MYL6: variants seen among roughly 807,000 people sequenced by gnomAD.
MYL6 encodes the protein myosin light polypeptide 6.
In MYL6, 20 loss-of-function variants were observed where a neutral mutation model predicts 20.3. The observed-to-expected ratio is 0.98, with a 90% CI of 0.69 to 1.43. The LOEUF is 1.43. Among genes scored for constraint, MYL6 ranks in the 40% most tolerant of loss-of-function variants. The pLI, the probability that MYL6 is intolerant of heterozygous loss-of-function variation, is 0.00. For missense variants in MYL6, 164 were observed against 191.0 expected (o/e 0.86, Z 0.83); for synonymous variants, 77 against 72.4 (o/e 1.06, Z -0.32).
At chr12:56,159,950 G>A (rs1239262101) in intron 3 of MYL6, 25 bp from the exon 4 acceptor site, 3 of 1,600,094 alleles carry the variant, frequency 1.9e-6, no homozygotes, top group East Asian at 4.5e-5. Context: ...TCTCTGGCCT[G>A]ACACTTCCAC....
intron 2 of MYL6, 135 bp from the exon 3 acceptor site, chr12:56,159,452 A>C: frequency 8.3e-7 from 1 of 1,202,794 alleles, no homozygotes; most frequent in Non-Finnish European, 1.2e-6. Context: ...AGCCCTCTTA[A>C]GTAGACTTTG....
At chr12:56,159,331 G>A in intron 2 of MYL6, 1 of 461,696 alleles carries the variant, frequency 2.2e-6, no homozygotes. Context: ...CAGCAGTGGA[G>A]ATTGGCAGGC....
At chr12:56,160,541 T>A in intron 5 of MYL6, 85 bp from the exon 6 acceptor site, 1 of 1,480,646 alleles carries the variant, frequency 6.8e-7, no homozygotes, top group Non-Finnish European at 9.4e-7. Flanking sequence ...AGAAGTGAAA[T>A]AATGGAATGT....
chr12:56,160,658 G>A lies in MYL6; in HGVS notation c.*4G>A. 2 of 1,614,096 alleles carry A rather than the reference G, an allele frequency of 1.2e-6. No homozygotes were observed. Among genetic ancestry groups the A allele is most frequent in the Non-Finnish European group, 1.7e-6 (2 of 1,179,996 alleles). On this transcript the variant is annotated 3_prime_UTR_variant, in exon 6 of 7. Transcript: ENST00000550697. Reference sequence around the variant, plus strand: ...GAGGCATATCCTGTCGGGGTGACGGGCCCATGGGGCGGGTACGGCTCCTCC... The same window carrying A: ...GAGGCATATCCTGTCGGGGTGACGGACCCATGGGGCGGGTACGGCTCCTCC...
At chr12:56,159,487 C>T (rs1046078928) in intron 2 of MYL6, 100 bp from the exon 3 acceptor site, 40 of 1,477,510 alleles carry the variant, frequency 2.7e-5, no homozygotes, top group Non-Finnish European at 3.5e-5. Context: ...GCAGATATCT[C>T]GTTTCCTCAG....
chr12:56,161,391 C>T lies in MYL6; in HGVS notation c.*21C>T, dbSNP rs140558953. ...TCCCACCTTTCCTTTCCACAGAGCTCGTCCGCATGGTGCTGAATGGCTGAG... is the reference window on the plus strand; with the variant it reads ...TCCCACCTTTCCTTTCCACAGAGCTTGTCCGCATGGTGCTGAATGGCTGAG... On this transcript the variant is annotated 3_prime_UTR_variant, in exon 7 of 7. Transcript: ENST00000550697. The T allele has an allele frequency of 1.2e-5, 20 of 1,614,070 alleles. No individual in the cohort carries two copies. The highest frequency in any genetic ancestry group is 2.7e-5 in the African/African-American group (2 of 74,928).
intron 5 of MYL6, 43 bp downstream of exon 5, chr12:56,160,363 G>A (rs770427233): frequency 2.0e-5 from 32 of 1,611,426 alleles, no homozygotes; most frequent in Non-Finnish European, 7.6e-6. Flanking sequence ...CAGCCATATG[G>A]GGCAGGTCAA....
intron 2 of MYL6, 159 bp from the exon 3 acceptor site, chr12:56,159,424 TGGGA>T (rs1318787464): frequency 1.6e-5 from 15 of 923,256 alleles, no homozygotes; most frequent in South Asian, 3.5e-5. Flanking sequence ...ACACTTGAGT[TGGGA>T]GGAAGAGAAA....
intron 2 of MYL6, chr12:56,158,922 T>C (rs1177154815): frequency 7.0e-7 from 1 of 1,427,712 alleles, no homozygotes; most frequent in Non-Finnish European, 9.1e-7. Flanking sequence ...AAGCACTGGG[T>C]GAGTTTTAGG....
chr12:56,160,428 G>A (rs925236490), intron 5 of MYL6, 108 bp downstream of exon 5: 2 of 1,532,214 alleles, frequency 1.3e-6, no homozygotes, highest in Non-Finnish European at 1.8e-6. Flanking sequence ...AAAGAGCCAG[G>A]AGGCAAGGTG....
In MYL6 at chr12:56,158,405, G is replaced by A; in HGVS notation, c.3+1G>A. The A allele has an allele frequency of 6.5e-7, 1 of 1,526,896 alleles. No individual in the cohort carries two copies. Among genetic ancestry groups the A allele is most frequent in the Non-Finnish European group, 8.8e-7 (1 of 1,140,360 alleles). 94.6% of individuals were successfully genotyped at this position (1,526,896 alleles called of 1,614,324 possible). A position where few individuals can be genotyped will look rare whatever the true frequency, so the allele number is the denominator to read the frequency against. On this transcript the variant is annotated splice_donor_variant, in intron 1 of 6. Transcript: ENST00000550697. LOFTEE classifies it high-confidence loss of function. ...CCCGGAGAGCTGAGCAGTCAAGATG[G>A]TGGGGCCCAGGTCTTGGGAGACGGG...
Position 56,159,596 on chromosome 12 carries a change from A to C in MYL6, c.41A>C (p.Glu14Ala). 1 of 1,613,412 alleles carries C rather than the reference A, an allele frequency of 6.2e-7. No homozygotes were observed. Among genetic ancestry groups the C allele is most frequent in the East Asian group, 2.2e-5 (1 of 44,880 alleles). The stretch of plus-strand genomic sequence containing the variant: ...TCATCTGAATCCTCAGAGTTCAAGG[A>C]GGCCTTCCAGCTGTTTGACCGAACA... ...FTEDQTAEFK[E>A]AFQLFDRTGD... The change falls in exon 3 of 7, where the codon GAG becomes GCG. Residue 14 changes from glutamate (E) to alanine (A), a missense_variant. Coordinates refer to ENST00000550697, the MANE Select transcript of MYL6 (RefSeq NM_021019.5).
intron 2 of MYL6, chr12:56,159,110 GTGACC>G (rs1306442678): frequency 7.8e-6 from 3 of 386,092 alleles, no homozygotes; most frequent in Non-Finnish European, 1.4e-5. Flanking sequence ...TTGTAGAGCA[GTGACC>G]TGATATTCTG....
At position 56,160,377 on chromosome 12, in the gene MYL6, T is replaced by C. The variant is rs1425807474; in HGVS notation, c.427+57T>C. On this transcript the variant is annotated intron_variant, in intron 5 of 6. Coordinates refer to ENST00000550697, the MANE Select transcript of MYL6 (RefSeq NM_021019.5). The stretch of plus-strand genomic sequence containing the variant: ...GCAGCCATATGGGGCAGGTCAAGTA[T>C]AGTGTCTGGGGCTTTCCCTATCCCT... 6 of 1,604,276 alleles carry C rather than the reference T, an allele frequency of 3.7e-6. No individual in the cohort carries two copies. The Admixed American group carries it at 1.0e-4, about 27-fold the overall frequency.
At chr12:56,161,142 T>G in intron 6 of MYL6, 1 of 604,230 alleles carries the variant, frequency 1.7e-6, no homozygotes, top group South Asian at 2.0e-5. Flanking sequence ...AGTGGAGAAC[T>G]TTTCTGCCTC....
At chr12:56,160,711 G>C in intron 6 of MYL6, 41 bp downstream of exon 6, 2 of 1,604,514 alleles carry the variant, frequency 1.2e-6, no homozygotes, top group Non-Finnish European at 1.7e-6. Context: ...GATCTCCCCA[G>C]TGTTTCTTTT....
chr12:56,158,733 C>T, intron 2 of MYL6, 22 bp downstream of exon 2: 1 of 1,613,578 alleles, frequency 6.2e-7, no homozygotes, highest in Non-Finnish European at 8.5e-7. Context: ...CTGATCCCTA[C>T]CGAGGTCACC....
chr12:56,160,889 C>CA, intron 6 of MYL6: 1 of 601,198 alleles, frequency 1.7e-6, no homozygotes, highest in South Asian at 2.0e-5. Flanking sequence ...TGAGGTTTTA[C>CA]TTATGCGGCC....
intron 2 of MYL6, chr12:56,159,339 G>C (rs745996230): frequency 5.1e-5 from 24 of 474,594 alleles, no homozygotes; most frequent in Middle Eastern, 1.1e-3. Context: ...GAGATTGGCA[G>C]GCCTGCCGCA....
Sources: allele counts gnomAD v4.1 joint callset, GRCh38; gene constraint gnomAD v4.1.1; transcripts MANE v1.5; gene names NCBI Gene and HGNC (gene_info 2026-07-23, HGNC 2026-07-21).